Variants in GIPC3 observed in about 807,000 individuals in gnomAD.
The protein encoded by GIPC3 is PDZ domain-containing protein GIPC3.
In GIPC3, 16 loss-of-function variants were observed where a neutral mutation model predicts 27.3. The ratio of observed to expected loss-of-function variants is 0.59; its 90% CI spans 0.40 to 0.89. The LOEUF is 0.89. GIPC3 is among the 40% of genes least tolerant of loss of function. The probability of loss-of-function intolerance (pLI) is 0.00; values close to 1 mark genes in which losing one functional copy is unlikely to be tolerated. For synonymous variants in GIPC3, 194 were observed against 184.6 expected, an observed-to-expected ratio of 1.05 and a Z score of -0.41; for missense variants, 440 against 442.1, an observed-to-expected ratio of 1.00 and a Z score of 0.04.
Position 3,591,835 on chromosome 19 carries a change from G to C in GIPC3, c.*1645G>C. 1 of 1,233,746 alleles carries C rather than the reference G, an allele frequency of 8.1e-7. No homozygotes were observed. The highest frequency in any genetic ancestry group is 4.1e-5 in the South Asian group (1 of 24,414). The allele number at this position is 1,233,746 out of a possible 1,614,324, so 76.4% of individuals were successfully genotyped here. A position where few individuals can be genotyped will look rare whatever the true frequency, so the allele number is the denominator to read the frequency against. ...CCATCCATCTTGGAAGCAAGACCCA[G>C]CTCCAGCACACAGCTTGGTGCCAAG... On this transcript the variant is annotated 3_prime_UTR_variant, in exon 6 of 6. Coordinates refer to ENST00000644452, the MANE Select transcript of GIPC3 (RefSeq NM_133261.3).
chr19:3,586,830 G>A lies in GIPC3; in HGVS notation c.428G>A (p.Ser143Asn). ...TCCCTGCAGAGAATCAAGGAAGGCA[G>A]TATCATCAACCGGATCGAGGCAGTG... ...YAFIKRIKEG[S>N]IINRIEAVCV... The change falls in exon 3 of 6, where the codon AGT (serine) becomes AAT (asparagine). Residue 143 changes from serine (S) to asparagine (N), a missense_variant. Ser to Asn is a conservative substitution (Grantham distance 46). Coordinates refer to ENST00000644452, the MANE Select transcript of GIPC3 (RefSeq NM_133261.3). 6.2e-7 allele frequency: 1 copy of A among 1,613,690 alleles called. No individual in the cohort carries two copies. The highest frequency in any genetic ancestry group is 8.5e-7 in the Non-Finnish European group (1 of 1,180,002).
At position 3,590,601 on chromosome 19, in the gene GIPC3, A is replaced by G; in HGVS notation, c.*411A>G. 1 of 1,301,424 alleles carries G rather than the reference A, an allele frequency of 7.7e-7. No homozygotes were observed. The highest frequency in any genetic ancestry group is 9.7e-7 in the Non-Finnish European group (1 of 1,027,556). The allele number at this position is 1,301,424 out of a possible 1,614,324, so 80.6% of individuals were successfully genotyped here. A position where few individuals can be genotyped will look rare whatever the true frequency, so the allele number is the denominator to read the frequency against. On this transcript the variant is annotated 3_prime_UTR_variant, in exon 6 of 6. Transcript: ENST00000644452. ...CTCTGAGACCATGCCCAGCTCTAGA[A>G]CTCAGATGGGCTCTGAGACCATGCC...
intron 3 of GIPC3, among the ~76,000 whole-genome samples, chr19:3,587,238 G>GA (rs1331967564): frequency 1.3e-5 from 2 of 152,078 alleles, no homozygotes; most frequent in African/African-American, 2.4e-5. Flanking sequence ...GACGCGTCCA[G>GA]AACCACTTTG....
In GIPC3 at chr19:3,592,318, G is replaced by A; in HGVS notation, c.*2128G>A. 1.6e-6 allele frequency: 2 copies of A among 1,232,002 alleles called. No homozygotes were observed. The highest frequency in any genetic ancestry group is 2.0e-6 in the Non-Finnish European group (2 of 987,964). The allele number at this position is 1,232,002 out of a possible 1,614,324, so 76.3% of individuals were successfully genotyped here. On this transcript the variant is annotated 3_prime_UTR_variant, in exon 6 of 6. Coordinates refer to ENST00000644452, the MANE Select transcript of GIPC3 (RefSeq NM_133261.3). The stretch of plus-strand genomic sequence containing the variant: ...ATTCAACTGGACTTTGGGAAGCAGA[G>A]CAGTTCTGAAAGTCAGCTTAGCTTT...
chr19:3,589,580 CCAGG>C, intron 4 of GIPC3, 25 bp downstream of exon 4: 3 of 1,576,456 alleles, frequency 1.9e-6, no homozygotes, highest in Non-Finnish European at 2.6e-6. Flanking sequence ...GGGGCTCTCC[CCAGG>C]CTTCTGCACC....
At chr19:3,586,426 C>T in intron 1 of GIPC3, 69 bp from the exon 2 acceptor site, 2 of 1,432,426 alleles carry the variant, frequency 1.4e-6, no homozygotes, top group Non-Finnish European at 9.7e-7. Flanking sequence ...CAGGGGCCTG[C>T]GCAGACAGGG....
Position 3,591,484 on chromosome 19 carries a change from C to T in GIPC3, c.*1294C>T. On this transcript the variant is annotated 3_prime_UTR_variant, in exon 6 of 6. Transcript: ENST00000644452. ...TCCACGATGCAGCCACACCTGGACA[C>T]TCGGTCTAGCTCCGGAACCCCAGTT... 2 of 1,232,464 alleles carry T rather than the reference C, an allele frequency of 1.6e-6. No individual in the cohort carries two copies. The highest frequency in any genetic ancestry group is 1.0e-6 in the Non-Finnish European group (1 of 988,320). 76.3% of individuals were successfully genotyped at this position (1,232,464 alleles called of 1,614,324 possible).
rs1599862658 is a variant in GIPC3, at chr19:3,586,946, A to C, written c.544A>C (p.Lys182Gln). ...GGCCAAGATGCTCCGGGAGCTGCCC[A>C]AGTCCCAGCCCTTCACCCTGCGCCT... Reference protein sequence around the residue: ...EVAKMLRELPKSQPFTLRLVQ... With the variant: ...EVAKMLRELPQSQPFTLRLVQ... The change falls in exon 3 of 6, where the codon AAG becomes CAG. Residue 182 changes from lysine to glutamine, a missense_variant. By Grantham distance (53) the Lys-to-Gln change is moderately conservative (BLOSUM62 1). Transcript: ENST00000644452. 6.2e-7 allele frequency: 1 copy of C among 1,613,178 alleles called. No individual in the cohort carries two copies. Among genetic ancestry groups the C allele is most frequent in the East Asian group, 2.2e-5 (1 of 44,874 alleles).
In GIPC3 at chr19:3,592,966, G is replaced by T; in HGVS notation, c.*2776G>T. On this transcript the variant is annotated 3_prime_UTR_variant, in exon 6 of 6. Transcript: ENST00000644452. ...CCCAGAGACCCCACCCCAGCCCCTAGCAAAGACCCCCAGCCTCTGCCTCAG... is the reference window on the plus strand; with the variant it reads ...CCCAGAGACCCCACCCCAGCCCCTATCAAAGACCCCCAGCCTCTGCCTCAG... 1 of 703,914 alleles carries T rather than the reference G, an allele frequency of 1.4e-6. No individual in the cohort carries two copies. Among genetic ancestry groups the T allele is most frequent in the Non-Finnish European group, 1.7e-6 (1 of 600,352 alleles). 43.6% of individuals were successfully genotyped at this position (703,914 alleles called of 1,614,324 possible).
intron 3 of GIPC3, among the ~76,000 whole-genome samples, chr19:3,587,601 G>A (rs920826707): frequency 2.6e-5 from 4 of 151,528 alleles, no homozygotes; most frequent in Non-Finnish European, 5.9e-5. Context: ...TTAAAGCAGT[G>A]CTTTGAGGTC....
intron 1 of GIPC3, 87 bp from the exon 2 acceptor site, chr19:3,586,408 G>A: frequency 1.6e-6 from 2 of 1,224,092 alleles, no homozygotes; most frequent in Non-Finnish European, 2.3e-6. Flanking sequence ...GATCCTGGTC[G>A]CTGGGGGCAG....
At position 3,590,501 on chromosome 19, in the gene GIPC3, C is replaced by T; in HGVS notation, c.*311C>T. 4 of 1,407,792 alleles carry T rather than the reference C, an allele frequency of 2.8e-6. No individual in the cohort carries two copies. Among genetic ancestry groups the T allele is most frequent in the Non-Finnish European group, 2.8e-6 (3 of 1,086,490 alleles). The allele number at this position is 1,407,792 out of a possible 1,614,324, so 87.2% of individuals were successfully genotyped here. ...CTCAGATGAGCTTTGAGACCATGCC[C>T]AGCACTGAGACCAAGCCCTGTTCTA... On this transcript the variant is annotated 3_prime_UTR_variant, in exon 6 of 6. Transcript: ENST00000644452.
chr19:3,588,419 A>G (rs1296794892), intron 3 of GIPC3, among the ~76,000 whole-genome samples: 2 of 152,114 alleles, frequency 1.3e-5, no homozygotes, highest in East Asian at 3.9e-4. Context: ...GTTCTATAGA[A>G]CAGAGACAGA....
Position 3,585,790 on chromosome 19 carries a change from A to G in GIPC3, c.193A>G (p.Ile65Val). ...CAACGTCCGCGAGCTGTACGCCAAG[A>G]TCGCCGAAGCCTTCGGGATCGCGCC... ...FTNVRELYAK[I>V]AEAFGIAPTE... The change falls in exon 1 of 6, where the codon ATC (isoleucine) becomes GTC (valine). Residue 65 changes from isoleucine to valine, a missense_variant. Coordinates refer to ENST00000644452, the MANE Select transcript of GIPC3 (RefSeq NM_133261.3). 1 of 1,548,014 alleles carries G rather than the reference A, an allele frequency of 6.5e-7. No homozygotes were observed. Among genetic ancestry groups the G allele is most frequent in the Non-Finnish European group, 8.7e-7 (1 of 1,146,474 alleles).
At chr19:3,589,781 G>A (rs2032445658) in intron 4 of GIPC3, 50 bp from the exon 5 acceptor site, 8 of 1,579,416 alleles carry the variant, frequency 5.1e-6, no homozygotes, top group South Asian at 1.1e-5. Context: ...GGGCTGGGCT[G>A]GAGGGCTCCA....
Position 3,592,228 on chromosome 19 carries a change from T to C in GIPC3, c.*2038T>C. On this transcript the variant is annotated 3_prime_UTR_variant, in exon 6 of 6. Coordinates refer to ENST00000644452, the MANE Select transcript of GIPC3 (RefSeq NM_133261.3). Reference sequence around the variant, plus strand: ...GCTCGACCAGCCTCTGGGACTCAATTCGCCTCTAAAACCCTGCCAGGTTCT... The same window carrying C: ...GCTCGACCAGCCTCTGGGACTCAATCCGCCTCTAAAACCCTGCCAGGTTCT... 2 of 1,232,150 alleles carry C rather than the reference T, an allele frequency of 1.6e-6. No homozygotes were observed. The highest frequency in any genetic ancestry group is 2.0e-6 in the Non-Finnish European group (2 of 988,126). The allele number at this position is 1,232,150 out of a possible 1,614,324, so 76.3% of individuals were successfully genotyped here.
rs988548874 is a variant in GIPC3, at chr19:3,591,408, G to C, written c.*1218G>C. 3.4e-5 allele frequency: 42 copies of C among 1,232,346 alleles called. No homozygotes were observed. In the East Asian group the frequency reaches 9.5e-4, roughly 28 times the overall value. 76.3% of individuals were successfully genotyped at this position (1,232,346 alleles called of 1,614,324 possible). A position where few individuals can be genotyped will look rare whatever the true frequency, so the allele number is the denominator to read the frequency against. ...CAGTTCCAGAATCCAGGCTAGCTCG[G>C]AGACCAAGCCCTGCTGGAAAACTCA... On this transcript the variant is annotated 3_prime_UTR_variant, in exon 6 of 6. Transcript: ENST00000644452.
Position 3,591,535 on chromosome 19 carries a change from T to G in GIPC3, c.*1345T>G. ...AATTTTGGAACCCATGTGAGATTCA[T>G]GAAGCAGCCCAGCTCTGGAACCCCA... On this transcript the variant is annotated 3_prime_UTR_variant, in exon 6 of 6. Coordinates refer to ENST00000644452, the MANE Select transcript of GIPC3 (RefSeq NM_133261.3). The G allele has an allele frequency of 8.1e-7, 1 of 1,232,290 alleles. No homozygotes were observed. Among genetic ancestry groups the G allele is most frequent in the Non-Finnish European group, 1.0e-6 (1 of 988,490 alleles). The allele number at this position is 1,232,290 out of a possible 1,614,324, so 76.3% of individuals were successfully genotyped here.
At chr19:3,587,019 C>T in intron 3 of GIPC3, 25 bp downstream of exon 3, 2 of 1,600,346 alleles carry the variant, frequency 1.2e-6, no homozygotes, top group Non-Finnish European at 8.5e-7. Context: ...CTGGCGGGAG[C>T]TCTTCCCGAA....
Sources: gnomAD v4.1 joint callset for allele counts (sites outside exome capture counted in the v4.1 genomes callset) on GRCh38, gnomAD v4.1.1 for gene constraint, MANE v1.5 for transcripts, NCBI Gene and HGNC (gene_info 2026-07-23, HGNC 2026-07-21) for gene names.